The following ARMC9 variants were observed in gnomAD, a reference collection of about 807,000 sequenced individuals.
The protein encoded by ARMC9 is armadillo repeat containing 9.
ARMC9 carries 94 observed loss-of-function variants against 107.0 expected under a neutral mutation model. The observed-to-expected ratio is 0.88, with a 90% CI of 0.74 to 1.04. The LOEUF (loss-of-function observed/expected upper bound fraction) is 1.04. ARMC9 is among the 50% of genes least tolerant of loss of function. The probability of loss-of-function intolerance (pLI) is 0.00; values close to 1 mark genes in which losing one functional copy is unlikely to be tolerated. For missense variants in ARMC9, 942 were observed against 1,030.1 expected (o/e 0.91, Z 1.17); for synonymous variants, 380 against 396.9 (o/e 0.96, Z 0.51).
intron 14 of ARMC9, among the ~76,000 whole-genome samples, 170 bp downstream of exon 14, chr2:231,273,248 G>A (rs113623723): frequency 1.6e-4 from 25 of 152,344 alleles, no homozygotes; most frequent in African/African-American, 5.5e-4. Flanking sequence ...ACTATCCTGC[G>A]CAAGGCTGCT....
In ARMC9 at chr2:231,358,693, C is replaced by G. The variant is rs2045443201; in HGVS notation, c.2132-2061C>G. 6.6e-6 allele frequency among the ~76,000 whole-genome samples: 1 copy of G among 152,172 alleles called. No individual in the cohort carries two copies. ...GCCTTTGCGCTTTGCGTTCAGTCAGCACCGCAGGGAAAACTCATGAGGAGG... is the reference window on the plus strand; with the variant it reads ...GCCTTTGCGCTTTGCGTTCAGTCAGGACCGCAGGGAAAACTCATGAGGAGG... On this transcript the variant is annotated intron_variant, in intron 22 of 24. Coordinates refer to ENST00000611582, the MANE Select transcript of ARMC9 (RefSeq NM_001352754.2). The surrounding 1 kb of genome is among the most constrained non-coding windows in gnomAD (Gnocchi z 4.5).
At chr2:231,257,236 G>A (rs935688909) in intron 10 of ARMC9, among the ~76,000 whole-genome samples, 2 of 152,252 alleles carry the variant, frequency 1.3e-5, no homozygotes, top group Admixed American at 1.3e-4. Context: ...AATCCACAGA[G>A]TGTTGCACTG....
At chr2:231,364,210 C>G (rs150020820) in intron 23 of ARMC9, among the ~76,000 whole-genome samples, 179 of 152,320 alleles carry the variant, frequency 1.2e-3, no homozygotes, top group African/African-American at 4.0e-3. Flanking sequence ...CCCTGCCACT[C>G]CAGAAGAGCA....
At chr2:231,302,384 AAG>A (rs2041787077) in intron 19 of ARMC9, among the ~76,000 whole-genome samples, 4 of 151,124 alleles carry the variant, frequency 2.6e-5, no homozygotes, top group Non-Finnish European at 5.9e-5. Flanking sequence ...TCTTATGAAA[AAG>A]AATTATTTTT....
chr2:231,250,110 C>T (rs1237920472), intron 9 of ARMC9, among the ~76,000 whole-genome samples: 1 of 152,186 alleles, frequency 6.6e-6, no homozygotes, highest in African/African-American at 2.4e-5. Context: ...AGCTCTCAGC[C>T]TGAAATCCTA....
Position 231,256,596 on chromosome 2 carries a change from T to C in ARMC9, c.890T>C (p.Met297Thr). Residue 297 changes from methionine to threonine, a missense_variant, in exon 10 of 25, where the codon ATG (methionine) becomes ACG (threonine). By Grantham distance (81) the Met-to-Thr change is moderately conservative. Transcript: ENST00000611582. The part of the protein sequence containing the change: ...DFTRPGTAST[M>T]LRASLAPVKL... ...TCCTCTTCCCCCCAGGCATCCACCA[T>C]GTTACGAGCCTCCTTGGCACCCGTG... 2 of 1,614,076 alleles carry C rather than the reference T, an allele frequency of 1.2e-6. No individual in the cohort carries two copies. The highest frequency in any genetic ancestry group is 2.2e-5 in the East Asian group (1 of 44,884).
rs538137208 is a variant in ARMC9, at chr2:231,353,859, A to G, written c.1995-1939A>G. Among the ~76,000 whole-genome samples the G allele has an allele frequency of 2.5e-4, 38 of 152,084 alleles. 1 individual carries two copies. The highest frequency in any genetic ancestry group is 8.4e-4 in the African/African-American group (35 of 41,444). ...CCTGCCACAAGCATCAGAGCCCCCCAGGACACCCTGCCCCCTCCACACTAC... is the reference window on the plus strand; with the variant it reads ...CCTGCCACAAGCATCAGAGCCCCCCGGGACACCCTGCCCCCTCCACACTAC... On this transcript the variant is annotated intron_variant, in intron 21 of 24. Coordinates refer to ENST00000611582, the MANE Select transcript of ARMC9 (RefSeq NM_001352754.2).
At chr2:231,241,264 G>A (rs913446966) in intron 9 of ARMC9, among the ~76,000 whole-genome samples, 4 of 151,834 alleles carry the variant, frequency 2.6e-5, no homozygotes, top group East Asian at 3.9e-4. Flanking sequence ...AATTAGATTC[G>A]GGTTATGCAT....
intron 5 of ARMC9, among the ~76,000 whole-genome samples, chr2:231,221,714 C>A (rs1305555028): frequency 6.6e-6 from 1 of 150,936 alleles, no homozygotes; most frequent in Non-Finnish European, 1.5e-5. Flanking sequence ...GACCCTCGAC[C>A]CAGCTACTCA....
intron 19 of ARMC9, among the ~76,000 whole-genome samples, chr2:231,306,802 G>A (rs977546844): frequency 2.6e-5 from 4 of 152,166 alleles, no homozygotes; most frequent in African/African-American, 9.6e-5. Flanking sequence ...AAACAACATG[G>A]GACTTGTAAT....
chr2:231,267,313 C>T (rs2038940588), intron 12 of ARMC9, among the ~76,000 whole-genome samples: 1 of 152,182 alleles, frequency 6.6e-6, no homozygotes, highest in Non-Finnish European at 1.5e-5. Flanking sequence ...TCACTTCAAC[C>T]TCCGTCTCCT....
chr2:231,346,610 A>G (rs558704385), intron 21 of ARMC9, among the ~76,000 whole-genome samples: 2 of 152,364 alleles, frequency 1.3e-5, no homozygotes, highest in South Asian at 4.1e-4. Context: ...TTCTATGTGT[A>G]TGATACATAA....
intron 3 of ARMC9, among the ~76,000 whole-genome samples, chr2:231,213,271 C>T (rs2033113127): frequency 6.6e-6 from 1 of 151,556 alleles, no homozygotes; most frequent in Non-Finnish European, 1.5e-5. Context: ...TCAGATGGTC[C>T]TCCCACCTCA....
chr2:231,370,288 G>C (rs920971414), intron 24 of ARMC9, among the ~76,000 whole-genome samples, 163 bp downstream of exon 24: 3 of 152,238 alleles, frequency 2.0e-5, no homozygotes, highest in Non-Finnish European at 4.4e-5. Flanking sequence ...GGCCCCAGCA[G>C]GTGGCTTCCT....
rs778847802 is a variant in ARMC9, at chr2:231,292,010, A to G, written c.1717+567A>G. Reference sequence around the variant, plus strand: ...ATGGTGAAACCCCGTCTCTACTAAAAATGCAAAATTAGCCAGGCGTGGTGG... The same window carrying G: ...ATGGTGAAACCCCGTCTCTACTAAAGATGCAAAATTAGCCAGGCGTGGTGG... On this transcript the variant is annotated intron_variant, in intron 18 of 24. Transcript: ENST00000611582. Among the ~76,000 whole-genome samples, 37 of 151,188 alleles carry G rather than the reference A, an allele frequency of 2.4e-4. 3 individuals carry two copies. The highest frequency in any genetic ancestry group is 4.9e-5 in the African/African-American group (2 of 41,016).
At chr2:231,263,557 C>T (rs2038583234) in intron 12 of ARMC9, among the ~76,000 whole-genome samples, 2 of 152,224 alleles carry the variant, frequency 1.3e-5, no homozygotes, top group Admixed American at 6.5e-5. Flanking sequence ...AAGGTCCCAC[C>T]TCCCTGTACT....
At chr2:231,348,911 A>T (rs1224997654) in intron 21 of ARMC9, among the ~76,000 whole-genome samples, 1 of 152,162 alleles carries the variant, frequency 6.6e-6, no homozygotes. Context: ...AAAACGGCTT[A>T]TCTCCAAAAG....
intron 12 of ARMC9, among the ~76,000 whole-genome samples, chr2:231,265,515 G>A (rs146786432): frequency 7.4e-4 from 113 of 152,232 alleles, no homozygotes; most frequent in African/African-American, 2.6e-3. Flanking sequence ...AATATCATAT[G>A]TTCTCACTTG....
chr2:231,261,251 A>G (rs2038311724), intron 11 of ARMC9, among the ~76,000 whole-genome samples: 1 of 152,194 alleles, frequency 6.6e-6, no homozygotes, highest in Non-Finnish European at 1.5e-5. Context: ...TCACACCTGT[A>G]CACACCGATG....
Sources: gnomAD v4.1 joint callset for allele counts (sites outside exome capture counted in the v4.1 genomes callset) on GRCh38, gnomAD v4.1.1 for gene constraint, Gnocchi (gnomAD v3.1) non-coding constraint, MANE v1.5 for transcripts, NCBI Gene and HGNC (gene_info 2026-07-23, HGNC 2026-07-21) for gene names.